Variants in NELL1 observed in about 807,000 individuals in gnomAD.
NELL1 encodes the protein protein kinase C-binding protein NELL1.
NELL1 carries 76 observed loss-of-function variants against 107.4 expected under a neutral mutation model. The ratio of observed to expected loss-of-function variants is 0.71; its 90% CI spans 0.59 to 0.86. The LOEUF is 0.86. NELL1 is among the 40% of genes least tolerant of loss of function. NELL1 has a pLI of 0.00. For missense variants in NELL1, 1,024 were observed against 1,005.5 expected (o/e 1.02, Z -0.25); for synonymous variants, 353 against 341.2 (o/e 1.03, Z -0.38).
intron 13 of NELL1, among the ~76,000 whole-genome samples, chr11:21,124,255 C>T (rs1211124608): frequency 6.6e-6 from 1 of 151,848 alleles, no homozygotes; most frequent in Non-Finnish European, 1.5e-5. Context: ...TTTTTTTCCC[C>T]CCGAAGTCTC....
At chr11:21,402,565 A>C (rs976532503) in intron 15 of NELL1, among the ~76,000 whole-genome samples, 1 of 151,908 alleles carries the variant, frequency 6.6e-6, no homozygotes, top group East Asian at 2.0e-4. Context: ...ATCATAAGGA[A>C]AGAAAAGCAG....
At chr11:21,441,330 C>CTTGTGTGTGTGTGTGTGTGTGTGT (rs1309300543) in intron 15 of NELL1, among the ~76,000 whole-genome samples, 2 of 140,150 alleles carry the variant, frequency 1.4e-5, no homozygotes, top group African/African-American at 5.1e-5. Context: ...GAGGCTGTGA[C>CTTGTGTGTGTGTGTGTGTGTGTGT]GTGTGTGTGT....
In NELL1 at chr11:21,409,217, G is replaced by T. The variant is rs181386769; in HGVS notation, c.1645+38269G>T. On this transcript the variant is annotated intron_variant, in intron 15 of 19. Coordinates refer to ENST00000357134, the MANE Select transcript of NELL1 (RefSeq NM_006157.5). The stretch of plus-strand genomic sequence containing the variant: ...CAATGATAGATTGGATTAAGAAAAT[G>T]TGGCACATATACACCATGGAATACT... 8.4e-3 allele frequency among the ~76,000 whole-genome samples: 1,283 copies of T among 152,192 alleles called. 17 individuals carry two copies. Among genetic ancestry groups the T allele is most frequent in the African/African-American group, 0.03 (1,227 of 41,540 alleles).
chr11:20,707,425 C>T (rs1854995175), intron 2 of NELL1, among the ~76,000 whole-genome samples: 1 of 152,172 alleles, frequency 6.6e-6, no homozygotes, highest in South Asian at 2.1e-4. Flanking sequence ...AGCTGCATTC[C>T]TTTGGAGGAG....
chr11:21,173,470 C>T (rs1856649218), intron 13 of NELL1, among the ~76,000 whole-genome samples: 1 of 151,804 alleles, frequency 6.6e-6, no homozygotes, highest in African/African-American at 2.4e-5. Flanking sequence ...TCTTTCCTAT[C>T]AGAACACTCT....
intron 14 of NELL1, among the ~76,000 whole-genome samples, chr11:21,254,534 A>T (rs1164932900): frequency 6.6e-6 from 1 of 152,054 alleles, no homozygotes; most frequent in African/African-American, 2.4e-5. Flanking sequence ...GGAGATTTGA[A>T]ATTGGACAGC....
At chr11:21,317,284 G>C (rs1196928453) in intron 14 of NELL1, among the ~76,000 whole-genome samples, 1 of 151,682 alleles carries the variant, frequency 6.6e-6, no homozygotes, top group African/African-American at 2.4e-5. Flanking sequence ...GTAAAGGACT[G>C]TTTCTAGGGT....
rs1854846209 is a variant in NELL1 at position 20,703,257 on chromosome 11, GTTTCTTCTAGAT to G, written c.184+25203_184+25214del. Among the ~76,000 whole-genome samples, 2 of 151,912 alleles carry G rather than the reference GTTTCTTCTAGAT, an allele frequency of 1.3e-5. 1 individual carries two copies. Among genetic ancestry groups the G allele is most frequent in the Non-Finnish European group, 2.9e-5 (2 of 67,968 alleles). On this transcript the variant is annotated intron_variant, in intron 2 of 19. Transcript: ENST00000357134. The stretch of plus-strand genomic sequence containing the variant: ...GGTGTATGTGTCGAGGAATTTATCC[GTTTCTTCTAGAT>G]TTTCTAGTTCATTTATGTAGAGGTG...
chr11:21,207,394 A>G (rs1475498860), intron 13 of NELL1, among the ~76,000 whole-genome samples: 1 of 152,130 alleles, frequency 6.6e-6, no homozygotes, highest in Non-Finnish European at 1.5e-5. Context: ...TCTTTGCAGG[A>G]TGCCATGAAC....
chr11:21,474,665 T>G (rs1035881214), intron 15 of NELL1, among the ~76,000 whole-genome samples: 2 of 152,110 alleles, frequency 1.3e-5, no homozygotes, highest in African/African-American at 4.8e-5. Flanking sequence ...TAGTAAATGC[T>G]TCCCTTGTAT....
intron 18 of NELL1, among the ~76,000 whole-genome samples, chr11:21,572,562 G>A (rs187283362): frequency 3.9e-4 from 59 of 151,844 alleles, no homozygotes; most frequent in Non-Finnish European, 5.5e-4. Flanking sequence ...TTTATTGTGG[G>A]CAGCTCAATG....
chr11:21,005,818 C>T (rs747034809), intron 12 of NELL1, among the ~76,000 whole-genome samples: 85 of 152,226 alleles, frequency 5.6e-4, no homozygotes, highest in Admixed American at 3.3e-4. Flanking sequence ...GGTGCCACCA[C>T]GGTATACTTA....
chr11:20,704,726 C>G (rs968456744), intron 2 of NELL1, among the ~76,000 whole-genome samples: 3 of 152,116 alleles, frequency 2.0e-5, no homozygotes, highest in Admixed American at 1.3e-4. Flanking sequence ...TCAGCATTTA[C>G]TTGTCTGTAA....
intron 12 of NELL1, among the ~76,000 whole-genome samples, chr11:21,110,678 C>T (rs1855085365): frequency 6.6e-6 from 1 of 152,124 alleles, no homozygotes; most frequent in Non-Finnish European, 1.5e-5. Context: ...GCCTCTAAGG[C>T]AAGTCCTGAC....
intron 3 of NELL1, among the ~76,000 whole-genome samples, chr11:20,807,468 C>A (rs906559876): frequency 6.6e-6 from 1 of 152,218 alleles, no homozygotes; most frequent in African/African-American, 2.4e-5. Context: ...CTGTGGTCAC[C>A]ACCACTGGGA....
Position 20,767,955 on chromosome 11 carries a change from G to A in NELL1, c.185-15725G>A, listed in dbSNP as rs1193629212. Among the ~76,000 whole-genome samples, 5 of 152,098 alleles carry A rather than the reference G, an allele frequency of 3.3e-5. No homozygotes were observed. The South Asian group carries it at 8.3e-4, about 25-fold the overall frequency. ...ATGAAGGAAATATAAGAGCTATACTGGAGAGAGAAAGAGAGAGAGAGAGAC... is the reference window on the plus strand; with the variant it reads ...ATGAAGGAAATATAAGAGCTATACTAGAGAGAGAAAGAGAGAGAGAGAGAC... On this transcript the variant is annotated intron_variant, in intron 2 of 19. Transcript: ENST00000357134.
intron 4 of NELL1, among the ~76,000 whole-genome samples, chr11:20,849,913 C>A (rs766874591): frequency 1.3e-5 from 2 of 152,134 alleles, no homozygotes; most frequent in South Asian, 4.1e-4. Context: ...TCCCCGAGGG[C>A]GGAACCTGAG....
chr11:21,049,644 G>T (rs1853443313), intron 12 of NELL1, among the ~76,000 whole-genome samples: 1 of 151,876 alleles, frequency 6.6e-6, no homozygotes, highest in South Asian at 2.1e-4. Flanking sequence ...TGTATCTTTA[G>T]AGTCTGCTGC....
chr11:20,876,621 T>A (rs1849309068), intron 4 of NELL1, among the ~76,000 whole-genome samples: 1 of 151,960 alleles, frequency 6.6e-6, no homozygotes, highest in African/African-American at 2.4e-5. Context: ...AAAAATTAGC[T>A]GGGCGCAGTG....
Sources: allele counts gnomAD v4.1 joint callset (sites outside exome capture counted in the v4.1 genomes callset), GRCh38; gene constraint gnomAD v4.1.1; transcripts MANE v1.5; gene names NCBI Gene and HGNC (gene_info 2026-07-23, HGNC 2026-07-21).